PPP3CA: variants seen among roughly 807,000 people sequenced by gnomAD.
PPP3CA encodes protein phosphatase 3 catalytic subunit alpha, also known as CAM-PRP catalytic subunit.
A neutral mutation model predicts 66.5 loss-of-function variants in PPP3CA; 14 were observed. The ratio of observed to expected loss-of-function variants is 0.21; its 90% confidence interval spans 0.14 to 0.33. The LOEUF is 0.33. Among genes scored for constraint, PPP3CA ranks in the 10% least tolerant of loss-of-function variants. PPP3CA has a pLI of 1.00. For missense variants in PPP3CA, 317 were observed against 639.5 expected (o/e 0.50, Z 5.44); for synonymous variants, 232 against 226.2 (o/e 1.03, Z -0.23).
At chr4:101,167,997 A>C (rs1578514902) in intron 2 of PPP3CA, among the ~76,000 whole-genome samples, 1 of 152,200 alleles carries the variant, frequency 6.6e-6, no homozygotes, top group Non-Finnish European at 1.5e-5. Context: ...GGATGTGAGC[A>C]GAAGGGCTGT....
At chr4:101,286,018 T>G (rs1023689383) in intron 1 of PPP3CA, among the ~76,000 whole-genome samples, 1 of 152,204 alleles carries the variant, frequency 6.6e-6, no homozygotes, top group East Asian at 1.9e-4. Flanking sequence ...AATTTTTTCA[T>G]GTACAAGGCG....
At chr4:101,215,888 ATGTGATCAG>A (rs1314130305) in intron 1 of PPP3CA, among the ~76,000 whole-genome samples, 1 of 152,160 alleles carries the variant, frequency 6.6e-6, no homozygotes, top group Non-Finnish European at 1.5e-5. Flanking sequence ...TTTAGAAACA[ATGTGATCAG>A]TTTAAAATTA....
intron 2 of PPP3CA, among the ~76,000 whole-genome samples, chr4:101,110,448 G>C (rs929545034): frequency 6.6e-6 from 1 of 152,146 alleles, no homozygotes; most frequent in Non-Finnish European, 1.5e-5. Context: ...CTATAAGCAT[G>C]AAGTAGGTAC....
chr4:101,304,955 A>G (rs1249730594), intron 1 of PPP3CA, among the ~76,000 whole-genome samples: 2 of 152,252 alleles, frequency 1.3e-5, no homozygotes, highest in Admixed American at 6.5e-5. Flanking sequence ...AAATTAACTG[A>G]AATGTCAACC....
At chr4:101,303,435 T>G (rs974318675) in intron 1 of PPP3CA, among the ~76,000 whole-genome samples, 6 of 152,190 alleles carry the variant, frequency 3.9e-5, no homozygotes, top group African/African-American at 1.4e-4. Context: ...CATATATTTA[T>G]ATGTACCTAC....
chr4:101,289,933 T>A (rs1301218581), intron 1 of PPP3CA, among the ~76,000 whole-genome samples: 1 of 149,710 alleles, frequency 6.7e-6, no homozygotes, highest in Non-Finnish European at 1.5e-5. Flanking sequence ...AAGACTAACA[T>A]TAAAATGGGC....
chr4:101,207,685 G>T (rs1387550714), intron 1 of PPP3CA, among the ~76,000 whole-genome samples: 1 of 152,148 alleles, frequency 6.6e-6, no homozygotes, highest in East Asian at 1.9e-4. Flanking sequence ...AAGCAGCCAG[G>T]CATGCTGGCA....
chr4:101,309,764 A>T (rs1313288282), intron 1 of PPP3CA, among the ~76,000 whole-genome samples: 2 of 152,180 alleles, frequency 1.3e-5, no homozygotes. Context: ...GTCAGAATTA[A>T]CCAAGAGAGA....
At chr4:101,289,699 T>C (rs1727957456) in intron 1 of PPP3CA, among the ~76,000 whole-genome samples, 2 of 152,212 alleles carry the variant, frequency 1.3e-5, no homozygotes, top group Admixed American at 6.5e-5. Context: ...ATACATAATA[T>C]ATGCATATAT....
At chr4:101,269,956 A>G (rs542096584) in intron 1 of PPP3CA, among the ~76,000 whole-genome samples, 1 of 152,272 alleles carries the variant, frequency 6.6e-6, no homozygotes, top group East Asian at 1.9e-4. Flanking sequence ...TGTGGCATAC[A>G]GCTGGCTGCT....
intron 1 of PPP3CA, among the ~76,000 whole-genome samples, chr4:101,215,420 T>C (rs1188237112): frequency 2.0e-5 from 3 of 152,092 alleles, no homozygotes; most frequent in Non-Finnish European, 4.4e-5. Context: ...TGCATTATTA[T>C]CGATTTCTTC....
intron 1 of PPP3CA, among the ~76,000 whole-genome samples, chr4:101,288,327 T>C (rs914241676): frequency 2.0e-5 from 3 of 152,102 alleles, no homozygotes; most frequent in African/African-American, 4.8e-5. Context: ...AGTCTTAGCT[T>C]ATACATAAAG....
At chr4:101,119,103 T>C (rs1721941362) in intron 2 of PPP3CA, among the ~76,000 whole-genome samples, 1 of 151,938 alleles carries the variant, frequency 6.6e-6, no homozygotes, top group Non-Finnish European at 1.5e-5. Flanking sequence ...ATTTTGAATG[T>C]TCTGCAAGAT....
At chr4:101,204,857 T>C (rs1279967538) in intron 1 of PPP3CA, among the ~76,000 whole-genome samples, 2 of 151,574 alleles carry the variant, frequency 1.3e-5, no homozygotes, top group South Asian at 2.1e-4. Context: ...AATTTAAATA[T>C]ATAATTGAAG....
At chr4:101,103,687 G>A (rs1417224684) in intron 3 of PPP3CA, among the ~76,000 whole-genome samples, 1 of 152,168 alleles carries the variant, frequency 6.6e-6, no homozygotes, top group Non-Finnish European at 1.5e-5. Flanking sequence ...GTTGAGATCT[G>A]GATCTAAGTT....
chr4:101,326,180 T>C (rs562194604), intron 1 of PPP3CA, among the ~76,000 whole-genome samples: 84 of 152,250 alleles, frequency 5.5e-4, no homozygotes, highest in African/African-American at 2.0e-3. Context: ...AAAATCTCCA[T>C]AAGTAATCTA....
At chr4:101,296,901 CT>C (rs1728217230) in intron 1 of PPP3CA, among the ~76,000 whole-genome samples, 1 of 152,176 alleles carries the variant, frequency 6.6e-6, no homozygotes, top group Admixed American at 6.5e-5. Context: ...TAACACCAAT[CT>C]GCCATCAAAC....
At chr4:101,154,523 A>C (rs983454397) in intron 2 of PPP3CA, among the ~76,000 whole-genome samples, 1 of 152,228 alleles carries the variant, frequency 6.6e-6, no homozygotes, top group Non-Finnish European at 1.5e-5. Context: ...GTGTTCCAAC[A>C]CATCTAAAAA....
At chr4:101,176,783 GC>G (rs142342115) in intron 2 of PPP3CA, among the ~76,000 whole-genome samples, 8 of 151,870 alleles carry the variant, frequency 5.3e-5, no homozygotes, top group East Asian at 1.9e-4. Context: ...CTACTGTGAA[GC>G]CCCCCCAAAA....
Sources: allele counts gnomAD v4.1 joint callset (sites outside exome capture counted in the v4.1 genomes callset), GRCh38; gene constraint gnomAD v4.1.1; transcripts MANE v1.5; gene names NCBI Gene and HGNC (gene_info 2026-07-23, HGNC 2026-07-21).